ZCCHC7: variants seen among roughly 807,000 people sequenced by gnomAD.
The protein encoded by ZCCHC7 is zinc finger CCHC domain-containing protein 7.
ZCCHC7 carries 35 observed loss-of-function variants against 52.0 expected under a neutral mutation model. The ratio of observed to expected loss-of-function variants is 0.67; its 90% CI spans 0.51 to 0.89. The LOEUF (loss-of-function observed/expected upper bound fraction) is 0.89, where lower values mean the gene tolerates loss of function less well. Among genes scored for constraint, ZCCHC7 ranks in the 40% least tolerant of loss-of-function variants. The probability of loss-of-function intolerance (pLI) is 0.00; values close to 1 mark genes in which losing one functional copy is unlikely to be tolerated. For missense variants in ZCCHC7, 574 were observed against 649.1 expected (o/e 0.88, Z 1.26); for synonymous variants, 217 against 221.5 (o/e 0.98, Z 0.18).
At chr9:37,276,987 T>C (rs1433703592) in intron 2 of ZCCHC7, among the ~76,000 whole-genome samples, 1 of 152,208 alleles carries the variant, frequency 6.6e-6, no homozygotes, top group Non-Finnish European at 1.5e-5. Context: ...CCAAAGTACC[T>C]TCTCTCTCCT....
chr9:37,165,021 G>A lies in ZCCHC7; in HGVS notation c.610+38079G>A, dbSNP rs187851333. Among the ~76,000 whole-genome samples, 369 of 152,218 alleles carry A rather than the reference G, an allele frequency of 2.4e-3. 4 individuals carry two copies. Among genetic ancestry groups the A allele is most frequent in the African/African-American group, 8.0e-3 (331 of 41,540 alleles). ...TGAACACGGTATATCTGTCTATTTA[G>A]GTCTTCTTTTATTTCTGTCAACAAT... On this transcript the variant is annotated intron_variant, in intron 2 of 8. Coordinates refer to ENST00000336755, the MANE Select transcript of ZCCHC7 (RefSeq NM_032226.3).
intron 2 of ZCCHC7, among the ~76,000 whole-genome samples, chr9:37,228,784 T>C (rs893064320): frequency 6.6e-6 from 1 of 151,662 alleles, no homozygotes; most frequent in South Asian, 2.1e-4. Flanking sequence ...TATTTCTGCA[T>C]ACTTCTACCC....
upstream of ZCCHC7, among the ~76,000 whole-genome samples, chr9:37,120,167 G>C (rs1005757631): frequency 1.3e-5 from 2 of 152,202 alleles, no homozygotes; most frequent in Non-Finnish European, 2.9e-5. Context: ...GCACTGAGAA[G>C]GCGTCCACCG....
chr9:37,357,090 G>A lies in ZCCHC7; in HGVS notation c.1454G>A (p.Ser485Asn). 6.2e-7 allele frequency: 1 copy of A among 1,613,784 alleles called. No individual in the cohort carries two copies. ...CCCAAAACCTACTCTTCTCCTGGCA[G>A]TTTTAAAACCCAGAAGCCTTCTAAG... is the stretch of plus-strand genomic sequence containing the variant. Reference protein sequence around the residue: ...RGPKTYSSPGSFKTQKPSKPF... With the variant: ...RGPKTYSSPGNFKTQKPSKPF... The change falls in exon 9 of 9, where the codon AGT (serine) becomes AAT (asparagine). Residue 485 changes from serine (S) to asparagine (N), a missense_variant. By Grantham distance (46) the Ser-to-Asn change is conservative (BLOSUM62 1). Coordinates refer to ENST00000336755, the MANE Select transcript of ZCCHC7 (RefSeq NM_032226.3).
intron 2 of ZCCHC7, among the ~76,000 whole-genome samples, chr9:37,289,413 TGCTGG>T (rs1268155360): frequency 6.6e-6 from 1 of 152,184 alleles, no homozygotes; most frequent in Non-Finnish European, 1.5e-5. Context: ...CCTCCCAAAG[TGCTGG>T]GATTACAGGC....
chr9:37,352,518 T>G (rs1821443320), intron 7 of ZCCHC7, among the ~76,000 whole-genome samples: 1 of 140,236 alleles, frequency 7.1e-6, no homozygotes, highest in Admixed American at 7.0e-5. Flanking sequence ...GCTCTTTTTT[T>G]TTTTTTTTTT....
At chr9:37,318,932 G>T (rs568552453) in intron 5 of ZCCHC7, among the ~76,000 whole-genome samples, 1 of 129,344 alleles carries the variant, frequency 7.7e-6, no homozygotes, top group Non-Finnish European at 1.6e-5. Flanking sequence ...AACAGAGTGA[G>T]ACTCTGTCTC....
rs1588718641 is a variant in ZCCHC7 at position 37,356,926 on chromosome 9, C to T, written c.1290C>T (p.Gly430=). 6.2e-7 allele frequency: 1 copy of T among 1,613,722 alleles called. No homozygotes were observed. The highest frequency in any genetic ancestry group is 8.5e-7 in the Non-Finnish European group (1 of 1,179,916). Residue 430 remains glycine, a synonymous_variant, in exon 9 of 9, where the codon GGC becomes GGT. Transcript: ENST00000336755. Reference sequence around the variant, plus strand: ...ACCCCCACCATGATATAAGGAAGGGCCGTGCCTCATGGAAAAGCAACAGGT... The same window carrying T: ...ACCCCCACCATGATATAAGGAAGGGTCGTGCCTCATGGAAAAGCAACAGGT... The part of the protein sequence containing the change: ...NENPHHDIRK[G]RASWKSNRWP...
intron 2 of ZCCHC7, among the ~76,000 whole-genome samples, chr9:37,134,086 G>A (rs950975717): frequency 2.0e-5 from 3 of 151,900 alleles, no homozygotes; most frequent in African/African-American, 4.8e-5. Flanking sequence ...ACAAATTCCC[G>A]GTAATTCTTT....
chr9:37,339,972 A>G (rs1830843364), intron 6 of ZCCHC7, among the ~76,000 whole-genome samples: 1 of 152,134 alleles, frequency 6.6e-6, no homozygotes, highest in Non-Finnish European at 1.5e-5. Context: ...TGTTAGAAAT[A>G]GGACACTGAG....
intron 2 of ZCCHC7, among the ~76,000 whole-genome samples, chr9:37,223,650 A>G (rs989718605): frequency 6.6e-6 from 1 of 152,162 alleles, no homozygotes; most frequent in African/African-American, 2.4e-5. Flanking sequence ...CTTACGTTTT[A>G]TATATTTTAC....
At chr9:37,199,862 G>T (rs1398629290) in intron 2 of ZCCHC7, among the ~76,000 whole-genome samples, 1 of 151,310 alleles carries the variant, frequency 6.6e-6, no homozygotes, top group Non-Finnish European at 1.5e-5. Flanking sequence ...CCGCCACCAC[G>T]CCCGGCTAAT....
At chr9:37,162,711 C>T (rs959049288) in intron 2 of ZCCHC7, among the ~76,000 whole-genome samples, 19 of 152,130 alleles carry the variant, frequency 1.2e-4, no homozygotes, top group African/African-American at 4.6e-4. Context: ...ATGCTTTCTT[C>T]TTGAGTAAAT....
intron 2 of ZCCHC7, among the ~76,000 whole-genome samples, chr9:37,296,293 G>C (rs1216720524): frequency 6.6e-6 from 1 of 152,130 alleles, no homozygotes; most frequent in Admixed American, 6.5e-5. Flanking sequence ...TATTACAAAT[G>C]TAAAAAAGAT....
At chr9:37,356,374 C>G (rs74462408) in intron 8 of ZCCHC7, among the ~76,000 whole-genome samples, 7,760 of 152,314 alleles carry the variant, frequency 0.051, 648 homozygotes, top group African/African-American at 0.17. Context: ...GGAATAATCT[C>G]TTGGGCAGTT....
At chr9:37,201,783 A>G (rs1261569352) in intron 2 of ZCCHC7, among the ~76,000 whole-genome samples, 1 of 152,238 alleles carries the variant, frequency 6.6e-6, no homozygotes, top group Non-Finnish European at 1.5e-5. Context: ...CTAAGCCACC[A>G]CTTTTGTTAA....
At chr9:37,242,757 T>TATTTACATTTTAC (rs1825926859) in intron 2 of ZCCHC7, among the ~76,000 whole-genome samples, 1 of 151,866 alleles carries the variant, frequency 6.6e-6, no homozygotes, top group South Asian at 2.1e-4. Flanking sequence ...GTGTATTTTA[T>TATTTACATTTTAC]ATTTACATTT....
chr9:37,230,351 A>T (rs906790549), intron 2 of ZCCHC7, among the ~76,000 whole-genome samples: 7 of 152,182 alleles, frequency 4.6e-5, no homozygotes, highest in Admixed American at 1.3e-4. Flanking sequence ...GTTAAAACAT[A>T]ACAGTGACTA....
chr9:37,121,756 C>CAT (rs972653852), intron 1 of ZCCHC7: 20 of 152,188 alleles, frequency 1.3e-4, no homozygotes, highest in African/African-American at 4.3e-4. Flanking sequence ...TCGTAAAAAT[C>CAT]ATATATATAT....
Sources: allele counts gnomAD v4.1 joint callset (sites outside exome capture counted in the v4.1 genomes callset), GRCh38; gene constraint gnomAD v4.1.1; transcripts MANE v1.5; gene names NCBI Gene and HGNC (gene_info 2026-07-23, HGNC 2026-07-21).